The following DSCAM variants were observed in gnomAD, a reference collection of about 807,000 sequenced individuals.
DSCAM encodes the protein cell adhesion molecule DSCAM.
Under a neutral mutation model 217.7 loss-of-function variants are expected in DSCAM, and 47 were observed. That is an observed-to-expected ratio of 0.22 (90% CI 0.17 to 0.28). The LOEUF is 0.28. DSCAM is among the 10% of genes least tolerant of loss of function. The pLI is 1.00. For synonymous variants in DSCAM, 1,056 were observed against 1,015.3 expected (o/e 1.04, Z -0.76); for missense variants, 2,080 against 2,618.3 (o/e 0.79, Z 4.49).
rs766528521 is a variant in DSCAM at position 40,296,161 on chromosome 21, A to G, written c.2076T>C (p.Phe692=). The G allele has an allele frequency of 3.7e-6, 6 of 1,614,008 alleles. No homozygotes were observed. The highest frequency in any genetic ancestry group is 1.7e-5 in the Admixed American group (1 of 60,004). Residue 692 remains phenylalanine (F), a synonymous_variant, in exon 10 of 33, where the codon TTT becomes TTC. Transcript: ENST00000400454. ...SQLIVRVPPK[F]VVQPRDQDGI... ...CGTCCTGGTCCCGTGGCTGAACCAC[A>G]AACTTGGGAGGAACTGAAAAGAGAG...
At chr21:40,427,666 T>C (rs1569118180) in intron 3 of DSCAM, among the ~76,000 whole-genome samples, 2 of 152,088 alleles carry the variant, frequency 1.3e-5, no homozygotes, top group African/African-American at 4.8e-5. Context: ...GGGAAAGAGT[T>C]AGGGAGAGGA....
intron 3 of DSCAM, chr21:40,615,281 CAAAAAAAAAAAA>C (rs34306422): frequency 1.2e-5 from 1 of 84,048 alleles, no homozygotes; most frequent in African/African-American, 4.6e-5. Context: ...GACTCTGTCT[CAAAAAAAAAAAA>C]AAAAAAGAAA....
chr21:40,233,851 T>C (rs1288957207), intron 11 of DSCAM, among the ~76,000 whole-genome samples: 1 of 152,222 alleles, frequency 6.6e-6, no homozygotes, highest in Non-Finnish European at 1.5e-5. Context: ...TTCTTTTTCA[T>C]GGCTCAGTAA....
rs140268971 is a variant in DSCAM, at chr21:40,780,398, CGTGTGT to C, written c.43+66215_43+66220del. Among the ~76,000 whole-genome samples the C allele has an allele frequency of 1.3e-3, 143 of 108,630 alleles. 6 individuals are homozygous for C. Among genetic ancestry groups the C allele is most frequent in the Non-Finnish European group, 2.0e-3 (104 of 52,658 alleles). 71.3% of individuals were successfully genotyped at this position (108,630 alleles called of 152,430 possible). On this transcript the variant is annotated intron_variant, in intron 1 of 32. Transcript: ENST00000400454. ...TGCCTCACCTATTTCCAAATATAAACGTGTGTGTGTGTGTGTGTGTGTGTGTATATA... is the reference window on the plus strand; with the variant it reads ...TGCCTCACCTATTTCCAAATATAAACGTGTGTGTGTGTGTGTGTGTATATA...
intron 21 of DSCAM, among the ~76,000 whole-genome samples, chr21:40,090,167 C>G (rs1038869547): frequency 6.6e-6 from 1 of 152,164 alleles, no homozygotes; most frequent in Non-Finnish European, 1.5e-5. Context: ...GTGCTGTGGT[C>G]GTGGGCTCTT....
At chr21:40,369,353 A>C in intron 3 of DSCAM, 108 bp from the exon 4 acceptor site, 1 of 1,126,808 alleles carries the variant, frequency 8.9e-7, no homozygotes. Flanking sequence ...AAGAAACTTA[A>C]TGAAAAGGCT....
At chr21:40,146,070 C>T (rs1008105961) in intron 16 of DSCAM, among the ~76,000 whole-genome samples, 1 of 151,988 alleles carries the variant, frequency 6.6e-6, no homozygotes, top group Non-Finnish European at 1.5e-5. Context: ...TCTCTCAAGC[C>T]TCTGAAAGCT....
chr21:40,087,069 A>AT, intron 22 of DSCAM, 101 bp downstream of exon 22: 2 of 874,132 alleles, frequency 2.3e-6, no homozygotes, highest in Non-Finnish European at 3.7e-6. Flanking sequence ...TTTCACTAAT[A>AT]TAAATAAACA....
chr21:40,141,622 A>C lies in DSCAM; in HGVS notation c.3406+936T>G, dbSNP rs962956434. ...GACAGAGGGAGACCCTGTCTCAAAAAAAGAAAAGAAACCCCAAACAAGAGG... is the reference window on the plus strand; with the variant it reads ...GACAGAGGGAGACCCTGTCTCAAAACAAGAAAAGAAACCCCAAACAAGAGG... On this transcript the variant is annotated intron_variant, in intron 18 of 32. Transcript: ENST00000400454. 5.9e-5 allele frequency among the ~76,000 whole-genome samples: 9 copies of C among 152,238 alleles called. No homozygotes were observed. In the East Asian group the frequency reaches 1.2e-3, roughly 20 times the overall value.
chr21:40,134,957 C>T (rs2090191913), intron 18 of DSCAM, among the ~76,000 whole-genome samples: 1 of 152,222 alleles, frequency 6.6e-6, no homozygotes. Context: ...AAATGCTTCA[C>T]TTTCAGGAGT....
chr21:40,646,433 G>GT (rs1252969987), intron 3 of DSCAM, among the ~76,000 whole-genome samples: 1 of 146,486 alleles, frequency 6.8e-6, no homozygotes, highest in Non-Finnish European at 1.5e-5. Context: ...AAAAAAGGGG[G>GT]GCTGTTCACC....
At chr21:40,584,712 T>G (rs888824670) in intron 3 of DSCAM, among the ~76,000 whole-genome samples, 1 of 151,980 alleles carries the variant, frequency 6.6e-6, no homozygotes, top group Non-Finnish European at 1.5e-5. Context: ...CGGAGGGGGT[T>G]CTCTCGGTCC....
intron 1 of DSCAM, among the ~76,000 whole-genome samples, chr21:40,838,854 T>G (rs985079963): frequency 2.0e-5 from 3 of 152,146 alleles, no homozygotes; most frequent in African/African-American, 7.2e-5. Context: ...TCTGATTTTG[T>G]CCAGATTTCC....
chr21:40,774,923 C>T (rs1193260577), intron 1 of DSCAM, among the ~76,000 whole-genome samples: 3 of 151,666 alleles, frequency 2.0e-5, no homozygotes, highest in Non-Finnish European at 4.4e-5. Flanking sequence ...CATTCATTCA[C>T]TACATGGAGA....
intron 1 of DSCAM, among the ~76,000 whole-genome samples, chr21:40,720,895 C>T (rs570629570): frequency 1.2e-4 from 19 of 152,242 alleles, no homozygotes; most frequent in African/African-American, 3.6e-4. Flanking sequence ...CTCCAGAGAG[C>T]GGAAGGAGCT....
intron 19 of DSCAM, among the ~76,000 whole-genome samples, chr21:40,125,631 T>C (rs2090085268): frequency 6.6e-6 from 1 of 152,238 alleles, no homozygotes; most frequent in Non-Finnish European, 1.5e-5. Flanking sequence ...TTGGACATAG[T>C]CACCATTTGA....
At chr21:40,318,086 CA>C (rs1156365304) in intron 8 of DSCAM, among the ~76,000 whole-genome samples, 1 of 146,572 alleles carries the variant, frequency 6.8e-6, no homozygotes, top group Admixed American at 7.1e-5. Flanking sequence ...GTCGCAAGGA[CA>C]AAAAACCAAA....
intron 1 of DSCAM, among the ~76,000 whole-genome samples, chr21:40,781,992 C>CAAAAAAA (rs57750960): frequency 5.5e-4 from 58 of 106,380 alleles, no homozygotes; most frequent in South Asian, 1.4e-3. Context: ...ACTAAAAATA[C>CAAAAAAA]AAAAAAAAAA....
rs185401374 is a variant in DSCAM, at chr21:40,749,605, G to A, written c.44-40834C>T. On this transcript the variant is annotated intron_variant, in intron 1 of 32. Coordinates refer to ENST00000400454, the MANE Select transcript of DSCAM (RefSeq NM_001389.5). ...CTGGTGAGGATGTGGAGAAAAGAGAGCTCTTCCACGCTGTTGGTGAGAATG... is the reference window on the plus strand; with the variant it reads ...CTGGTGAGGATGTGGAGAAAAGAGAACTCTTCCACGCTGTTGGTGAGAATG... Among the ~76,000 whole-genome samples the A allele has an allele frequency of 4.6e-5, 7 of 152,260 alleles. No individual in the cohort carries two copies. In the East Asian group the frequency reaches 1.2e-3, roughly 25 times the overall value.
Sources: allele counts gnomAD v4.1 joint callset (sites outside exome capture counted in the v4.1 genomes callset), GRCh38; gene constraint gnomAD v4.1.1; transcripts MANE v1.5; gene names NCBI Gene and HGNC (gene_info 2026-07-23, HGNC 2026-07-21).